The following PPARGC1A variants were observed in gnomAD, a reference collection of about 807,000 sequenced individuals.
The protein encoded by PPARGC1A is PPARG coactivator 1 alpha.
In PPARGC1A, 25 loss-of-function variants were observed where a neutral mutation model predicts 88.7. That is an observed-to-expected ratio of 0.28 (90% CI 0.21 to 0.39). The LOEUF (loss-of-function observed/expected upper bound fraction) is 0.39, where lower values mean the gene tolerates loss of function less well. Ranked by LOEUF, PPARGC1A falls within the 10% of genes least tolerant of loss-of-function variation. The pLI is 1.00. For missense variants in PPARGC1A, 880 were observed against 968.7 expected (o/e 0.91, Z 1.22); for synonymous variants, 363 against 355.6 (o/e 1.02, Z -0.24).
the PPARGC1A span, among the ~76,000 whole-genome samples, chr4:24,009,548 T>C: frequency 6.6e-6 from 1 of 152,238 alleles, no homozygotes; most frequent in African/African-American, 2.4e-5. Flanking sequence ...AATGTATTGC[T>C]AGTTTCTTTC....
the PPARGC1A span, among the ~76,000 whole-genome samples, chr4:24,392,053 G>A: frequency 1.3e-5 from 2 of 152,106 alleles, no homozygotes; most frequent in Non-Finnish European, 2.9e-5. Flanking sequence ...GGAGCCTTAG[G>A]AGAAACCTGA....
At chr4:24,351,764 T>C in the PPARGC1A span, among the ~76,000 whole-genome samples, 2 of 152,228 alleles carry the variant, frequency 1.3e-5, no homozygotes, top group African/African-American at 2.4e-5. Flanking sequence ...GCATCCTGAT[T>C]TGGGGCATAG....
chr4:23,885,847 G>A (rs140618529), intron 1 of PPARGC1A, among the ~76,000 whole-genome samples: 160 of 152,214 alleles, frequency 1.1e-3, no homozygotes, highest in African/African-American at 3.7e-3. Context: ...ATATTGAGAG[G>A]TTTAAAATAT....
At chr4:24,179,910 A>T in the PPARGC1A span, among the ~76,000 whole-genome samples, 1 of 152,106 alleles carries the variant, frequency 6.6e-6, no homozygotes, top group Non-Finnish European at 1.5e-5. Context: ...ACACAAAAAC[A>T]TGGGATTATT....
the PPARGC1A span, among the ~76,000 whole-genome samples, chr4:23,914,085 C>T: frequency 6.6e-6 from 1 of 152,192 alleles, no homozygotes; most frequent in Non-Finnish European, 1.5e-5. Flanking sequence ...AGGGATTCAT[C>T]CTTTAAATGA....
chr4:24,270,720 CT>C, the PPARGC1A span, among the ~76,000 whole-genome samples: 1 of 152,204 alleles, frequency 6.6e-6, no homozygotes, highest in South Asian at 2.1e-4. Context: ...AAGATATCCA[CT>C]GATTGGTAGC....
At chr4:24,425,321 C>T in the PPARGC1A span, among the ~76,000 whole-genome samples, 186 of 152,304 alleles carry the variant, frequency 1.2e-3, no homozygotes, top group African/African-American at 4.0e-3. Context: ...GAAACTTTGT[C>T]ATCTCCTGAA....
the PPARGC1A span, among the ~76,000 whole-genome samples, chr4:24,123,664 C>T: frequency 1.5e-3 from 227 of 152,154 alleles, no homozygotes; most frequent in East Asian, 0.019. Context: ...GTCAGTGGTT[C>T]AAAGTCAAGG....
the PPARGC1A span, among the ~76,000 whole-genome samples, chr4:24,384,612 A>T: frequency 6.6e-6 from 1 of 151,984 alleles, no homozygotes; most frequent in South Asian, 2.1e-4. Context: ...GATAAAACAG[A>T]CTTTAAACCA....
At chr4:23,823,972 C>G (rs1419003947) in intron 7 of PPARGC1A, among the ~76,000 whole-genome samples, 1 of 152,144 alleles carries the variant, frequency 6.6e-6, no homozygotes, top group African/African-American at 2.4e-5. Flanking sequence ...CATCCCACGA[C>G]TCACTTTTTG....
the PPARGC1A span, among the ~76,000 whole-genome samples, chr4:24,205,299 T>A: frequency 6.6e-6 from 1 of 152,196 alleles, no homozygotes; most frequent in Admixed American, 6.5e-5. Flanking sequence ...ATTTCACTCA[T>A]CTCTGTAGTC....
At chr4:24,292,261 G>A in the PPARGC1A span, among the ~76,000 whole-genome samples, 6 of 152,050 alleles carry the variant, frequency 3.9e-5, no homozygotes, top group African/African-American at 1.5e-4. Flanking sequence ...GAACTCTCGC[G>A]GGTTGCTTCA....
At chr4:24,021,675 C>T in the PPARGC1A span, among the ~76,000 whole-genome samples, 1 of 152,218 alleles carries the variant, frequency 6.6e-6, no homozygotes, top group Non-Finnish European at 1.5e-5. Flanking sequence ...CTAAACCTCT[C>T]TGTGCCACAT....
the PPARGC1A span, among the ~76,000 whole-genome samples, chr4:24,217,867 G>A: frequency 3.4e-4 from 51 of 152,148 alleles, no homozygotes; most frequent in African/African-American, 1.2e-3. Context: ...ATCAGAATAT[G>A]GCAATTTATT....
At chr4:24,023,242 A>C in the PPARGC1A span, among the ~76,000 whole-genome samples, 2 of 152,198 alleles carry the variant, frequency 1.3e-5, no homozygotes, top group East Asian at 1.9e-4. Flanking sequence ...TGAATATTTA[A>C]GATCAAATTC....
the PPARGC1A span, among the ~76,000 whole-genome samples, chr4:24,470,942 G>GCGA: frequency 5.3e-5 from 8 of 151,852 alleles, no homozygotes; most frequent in East Asian, 1.2e-3. This position sits in a 1 kb window ranked among gnomAD's most constrained non-coding sequence, Gnocchi z 5.8. Context: ...GGCGGCGGCG[G>GCGA]CGAACATTTT....
the PPARGC1A span, among the ~76,000 whole-genome samples, chr4:24,058,951 C>T: frequency 6.6e-6 from 1 of 152,146 alleles, no homozygotes; most frequent in African/African-American, 2.4e-5. Flanking sequence ...ATGCTATGAA[C>T]TGAATTCCTA....
the PPARGC1A span, among the ~76,000 whole-genome samples, chr4:24,294,592 C>A: frequency 6.6e-6 from 1 of 152,282 alleles, no homozygotes; most frequent in African/African-American, 2.4e-5. Context: ...CCCACCCCCA[C>A]TCCCAAAAAA....
the PPARGC1A span, among the ~76,000 whole-genome samples, chr4:24,036,020 C>A: frequency 6.6e-6 from 1 of 152,132 alleles, no homozygotes; most frequent in South Asian, 2.1e-4. Flanking sequence ...ACTTTGGAAC[C>A]AGACTACCTA....
Sources: allele counts gnomAD v4.1 joint callset (sites outside exome capture counted in the v4.1 genomes callset), GRCh38; gene constraint gnomAD v4.1.1; non-coding constraint Gnocchi (gnomAD v3.1); transcripts MANE v1.5; gene names NCBI Gene and HGNC (gene_info 2026-07-23, HGNC 2026-07-21).